TSHZ3: variants seen among roughly 807,000 people sequenced by gnomAD.
TSHZ3 encodes the protein teashirt homolog 3.
TSHZ3 carries 10 observed loss-of-function variants against 64.5 expected under a neutral mutation model. The ratio of observed to expected loss-of-function variants is 0.16; its 90% confidence interval spans 0.10 to 0.26. The LOEUF is 0.26. TSHZ3 is among the 10% of genes least tolerant of loss of function. TSHZ3 has a pLI of 1.00. For synonymous variants in TSHZ3, 608 were observed against 593.1 expected (o/e 1.03, Z -0.36); for missense variants, 1,242 against 1,421.7 (o/e 0.87, Z 2.03).
intron 3 of TSHZ3, among the ~76,000 whole-genome samples, chr19:31,233,935 C>CA (rs35438995): frequency 0.018 from 2,171 of 118,096 alleles, 48 homozygotes; most frequent in African/African-American, 0.062. Context: ...TAATTCCTAC[C>CA]AAAAAAAAAA....
chr19:31,170,892 T>TAA, intron 5 of TSHZ3, among the ~76,000 whole-genome samples: 1 of 152,216 alleles, frequency 6.6e-6, no homozygotes. Context: ...AAACTGTCTT[T>TAA]CAGCAAGTGA....
In TSHZ3 at chr19:31,257,848, C is replaced by A. The variant is rs186659111; in HGVS notation, n.64-14973G>T. ...TTCTAAGTTGGGCACGAAAGCAGAT[C>A]TGACTGGGGATTTAAGGAAAAGCAA... On this transcript the variant is annotated intron_variant and non_coding_transcript_variant, in intron 1 of 6. Transcript: ENST00000651361. Among the ~76,000 whole-genome samples the A allele has an allele frequency of 1.8e-4, 27 of 152,306 alleles. 1 individual carries two copies. The highest frequency in any genetic ancestry group is 1.5e-5 in the Non-Finnish European group (1 of 68,036).
At chr19:31,236,460 G>A (rs1439777274) in intron 3 of TSHZ3, among the ~76,000 whole-genome samples, 1 of 152,040 alleles carries the variant, frequency 6.6e-6, no homozygotes, top group Non-Finnish European at 1.5e-5. Flanking sequence ...GTCCATTTAG[G>A]TCCTTAGTTC....
intron 1 of TSHZ3, among the ~76,000 whole-genome samples, chr19:31,267,798 A>G (rs1976075002): frequency 6.6e-6 from 1 of 152,170 alleles, no homozygotes; most frequent in African/African-American, 2.4e-5. Flanking sequence ...GCCAAGCACT[A>G]TGCTGAGCTT....
At chr19:31,220,887 G>A (rs1160508873) in intron 4 of TSHZ3, among the ~76,000 whole-genome samples, 10 of 152,206 alleles carry the variant, frequency 6.6e-5, no homozygotes, top group Admixed American at 6.5e-4. Flanking sequence ...AAATTTCAAT[G>A]AAGACTGAAA....
intron 1 of TSHZ3, among the ~76,000 whole-genome samples, chr19:31,306,797 C>T (rs897174037): frequency 1.3e-5 from 2 of 152,098 alleles, no homozygotes; most frequent in African/African-American, 2.4e-5. Context: ...GAAAATGAAT[C>T]AGGATTATTA....
chr19:31,267,717 G>A (rs1196768380), intron 1 of TSHZ3, among the ~76,000 whole-genome samples: 2 of 152,146 alleles, frequency 1.3e-5, no homozygotes, highest in East Asian at 1.9e-4. Context: ...ACACAGGGGT[G>A]AGGGTAGAGG....
chr19:31,321,663 C>G (rs913741317), intron 1 of TSHZ3, among the ~76,000 whole-genome samples: 1 of 152,148 alleles, frequency 6.6e-6, no homozygotes, highest in South Asian at 2.1e-4. Context: ...CCGACGTGGA[C>G]AGCAGTACTT....
At chr19:31,224,057 C>G (rs1320125385) in intron 4 of TSHZ3, among the ~76,000 whole-genome samples, 1 of 152,212 alleles carries the variant, frequency 6.6e-6, no homozygotes, top group Non-Finnish European at 1.5e-5. Flanking sequence ...ATTCTTTGGC[C>G]TTGGAGCACA....
chr19:31,341,043 T>C (rs534291998), intron 1 of TSHZ3, among the ~76,000 whole-genome samples: 168 of 152,274 alleles, frequency 1.1e-3, no homozygotes, highest in African/African-American at 3.8e-3. Flanking sequence ...AATCCCTTAC[T>C]GAAAAATACA....
intron 5 of TSHZ3, among the ~76,000 whole-genome samples, chr19:31,171,869 G>C (rs1456671407): frequency 6.6e-6 from 1 of 152,126 alleles, no homozygotes; most frequent in Non-Finnish European, 1.5e-5. Context: ...AGAGGCCAGA[G>C]TTCCCTGCCC....
At chr19:31,229,426 G>A (rs922575259) in intron 3 of TSHZ3, among the ~76,000 whole-genome samples, 5 of 152,208 alleles carry the variant, frequency 3.3e-5, no homozygotes, top group Middle Eastern at 3.4e-3. Context: ...GAAATGATGC[G>A]GGGACAACTG....
chr19:31,332,548 C>G (rs551720521), intron 1 of TSHZ3, among the ~76,000 whole-genome samples: 2 of 152,098 alleles, frequency 1.3e-5, no homozygotes, highest in Admixed American at 1.3e-4. Context: ...TATTGGGGAA[C>G]GGAGATGTGC....
At chr19:31,201,047 G>A (rs974244061) in intron 5 of TSHZ3, among the ~76,000 whole-genome samples, 1 of 152,108 alleles carries the variant, frequency 6.6e-6, no homozygotes, top group Non-Finnish European at 1.5e-5. Context: ...AGAAAATCTC[G>A]AAAGGATCCC....
At chr19:31,245,654 T>C (rs1599602698) in intron 1 of TSHZ3, among the ~76,000 whole-genome samples, 2 of 123,886 alleles carry the variant, frequency 1.6e-5, no homozygotes, top group East Asian at 4.2e-4. Flanking sequence ...TAAGACCTGA[T>C]AGAGCCCTGG....
chr19:31,345,066 A>C (rs1917546965), intron 1 of TSHZ3, among the ~76,000 whole-genome samples: 6 of 152,206 alleles, frequency 3.9e-5, no homozygotes, highest in Admixed American at 3.9e-4. Context: ...TGATTCTGGA[A>C]GGTTCTCTTC....
chr19:31,276,483 C>T lies in TSHZ3; in HGVS notation c.*64G>A. ...GCCAAGAACAACAAGTCAGAGGGGGCCTGAAGGTGCCTTCCACAGTTTCCC... is the reference window on the plus strand; with the variant it reads ...GCCAAGAACAACAAGTCAGAGGGGGTCTGAAGGTGCCTTCCACAGTTTCCC... On this transcript the variant is annotated 3_prime_UTR_variant, in exon 2 of 2. Transcript: ENST00000240587. The T allele has an allele frequency of 7.0e-7, 1 of 1,431,934 alleles. No homozygotes were observed. The highest frequency in any genetic ancestry group is 9.5e-7 in the Non-Finnish European group (1 of 1,057,942). 88.7% of individuals were successfully genotyped at this position (1,431,934 alleles called of 1,614,324 possible). A position where few individuals can be genotyped will look rare whatever the true frequency, so the allele number is the denominator to read the frequency against.
intron 1 of TSHZ3, among the ~76,000 whole-genome samples, chr19:31,299,539 C>T (rs1976719991): frequency 6.6e-6 from 1 of 152,172 alleles, no homozygotes; most frequent in Admixed American, 6.5e-5. Context: ...GGGCCGCTTT[C>T]TGGATGTAGC....
At chr19:31,185,716 G>A (rs890763432) in intron 5 of TSHZ3, among the ~76,000 whole-genome samples, 7 of 152,128 alleles carry the variant, frequency 4.6e-5, no homozygotes, top group African/African-American at 1.7e-4. Context: ...TAAGTGTAGA[G>A]ACAGATGAGT....
Sources: allele counts gnomAD v4.1 joint callset (sites outside exome capture counted in the v4.1 genomes callset), GRCh38; gene constraint gnomAD v4.1.1; transcripts MANE v1.5; gene names NCBI Gene and HGNC (gene_info 2026-07-23, HGNC 2026-07-21).